Variants in M1AP observed in about 807,000 individuals in gnomAD.
The protein encoded by M1AP is meiosis 1 arrest protein.
Under a neutral mutation model 51.2 loss-of-function variants are expected in M1AP, and 39 were observed. The ratio of observed to expected loss-of-function variants is 0.76; its 90% confidence interval spans 0.59 to 1.00. M1AP has a LOEUF of 1.00. Ranked by LOEUF, M1AP falls within the 50% of genes least tolerant of loss-of-function variation. M1AP has a pLI of 0.00. For missense variants in M1AP, 545 were observed against 641.2 expected, an observed-to-expected ratio of 0.85 and a Z score of 1.62; for synonymous variants, 251 against 249.2, an observed-to-expected ratio of 1.01 and a Z score of -0.07.
chr2:74,617,281 C>G (rs1170365099), intron 2 of M1AP, among the ~76,000 whole-genome samples: 1 of 152,206 alleles, frequency 6.6e-6, no homozygotes, highest in African/African-American at 2.4e-5. Context: ...GTGATCAGGG[C>G]AGTCCAGCCT....
chr2:74,565,594 C>T (rs541160537), intron 7 of M1AP, among the ~76,000 whole-genome samples: 4 of 151,952 alleles, frequency 2.6e-5, no homozygotes, highest in East Asian at 1.9e-4. Context: ...TTTGAGAGGC[C>T]GAGGTGGGTG....
chr2:74,605,848 C>G (rs60244292), intron 4 of M1AP, among the ~76,000 whole-genome samples: 6,786 of 151,752 alleles, frequency 0.045, 516 homozygotes, highest in African/African-American at 0.15. Context: ...TTGCAGTGAG[C>G]CGAGATCGCG....
At chr2:74,568,177 G>C (rs184192238) in intron 7 of M1AP, among the ~76,000 whole-genome samples, 5 of 152,200 alleles carry the variant, frequency 3.3e-5, no homozygotes, top group African/African-American at 1.2e-4. Context: ...TGGTGAAGCC[G>C]GCCAACTGGC....
intron 2 of M1AP, among the ~76,000 whole-genome samples, chr2:74,629,125 T>C (rs552958224): frequency 7.2e-5 from 11 of 152,362 alleles, no homozygotes; most frequent in Admixed American, 7.2e-4. Flanking sequence ...AATTGGATGT[T>C]GAATTTTATC....
At chr2:74,603,939 G>A (rs901942956) in intron 4 of M1AP, among the ~76,000 whole-genome samples, 4 of 152,138 alleles carry the variant, frequency 2.6e-5, no homozygotes, top group African/African-American at 9.7e-5. Context: ...TTCCATGTAT[G>A]CATAACCATG....
intron 2 of M1AP, among the ~76,000 whole-genome samples, chr2:74,633,855 C>T (rs1201004996): frequency 6.6e-6 from 1 of 152,170 alleles, no homozygotes; most frequent in Non-Finnish European, 1.5e-5. Context: ...GGCTATTGCA[C>T]CACCTAAACT....
intron 3 of M1AP, 122 bp from the exon 4 acceptor site, chr2:74,607,345 T>A (rs1681074431): frequency 3.1e-6 from 3 of 956,546 alleles, no homozygotes; most frequent in Non-Finnish European, 4.7e-6. Context: ...TTATGTTTAG[T>A]GCAAAAAGGA....
At chr2:74,595,042 A>G (rs1289675634) in intron 4 of M1AP, among the ~76,000 whole-genome samples, 2 of 152,198 alleles carry the variant, frequency 1.3e-5, no homozygotes, top group Non-Finnish European at 2.9e-5. Context: ...CTTTACATAC[A>G]GGGAAAAATG....
intron 5 of M1AP, 32 bp from the exon 6 acceptor site, chr2:74,576,650 A>G: frequency 1.9e-6 from 3 of 1,609,580 alleles, no homozygotes; most frequent in Non-Finnish European, 2.6e-6. Context: ...TTTCAGACAC[A>G]CTACAATTGG....
intron 8 of M1AP, among the ~76,000 whole-genome samples, chr2:74,561,455 C>A (rs1419593795): frequency 6.6e-6 from 1 of 152,090 alleles, no homozygotes; most frequent in Non-Finnish European, 1.5e-5. Context: ...CCCCTAAGAA[C>A]ACACCAGCAC....
intron 2 of M1AP, among the ~76,000 whole-genome samples, chr2:74,630,566 A>C (rs1164370549): frequency 1.3e-5 from 2 of 152,130 alleles, no homozygotes; most frequent in East Asian, 3.8e-4. Flanking sequence ...CCCACTTATG[A>C]GTGAGAACAT....
At chr2:74,572,122 G>A (rs892586704) in intron 7 of M1AP, among the ~76,000 whole-genome samples, 1 of 152,202 alleles carries the variant, frequency 6.6e-6, no homozygotes, top group African/African-American at 2.4e-5. Flanking sequence ...AGATGAGTAA[G>A]CCGTTGTTAT....
intron 1 of M1AP, among the ~76,000 whole-genome samples, chr2:74,642,587 A>G (rs1683356600): frequency 6.6e-6 from 1 of 152,248 alleles, no homozygotes; most frequent in African/African-American, 2.4e-5. Flanking sequence ...ACTTCTATTC[A>G]GCATTATAGT....
chr2:74,613,329 G>A (rs566681720), intron 3 of M1AP, among the ~76,000 whole-genome samples: 17 of 152,182 alleles, frequency 1.1e-4, no homozygotes, highest in Middle Eastern at 6.8e-3. Context: ...CTTTTAGTAC[G>A]CTTTTCATAG....
At chr2:74,562,107 A>G (rs940805826) in intron 8 of M1AP, 110 bp downstream of exon 8, 3 of 1,484,754 alleles carry the variant, frequency 2.0e-6, no homozygotes, top group Non-Finnish European at 2.7e-6. Context: ...CTCTTACCAC[A>G]CTCCTTCAGC....
At chr2:74,566,827 T>G (rs532036455) in intron 7 of M1AP, among the ~76,000 whole-genome samples, 1 of 152,182 alleles carries the variant, frequency 6.6e-6, no homozygotes, top group Non-Finnish European at 1.5e-5. Flanking sequence ...GTACTTAGAC[T>G]CCTGCTGAAC....
chr2:74,625,607 T>C (rs1682336486), intron 2 of M1AP, among the ~76,000 whole-genome samples: 1 of 152,200 alleles, frequency 6.6e-6, no homozygotes, highest in African/African-American at 2.4e-5. Context: ...AGCACAATGT[T>C]AAGTTTTCTT....
At chr2:74,631,023 T>C (rs1682675732) in intron 2 of M1AP, among the ~76,000 whole-genome samples, 1 of 152,246 alleles carries the variant, frequency 6.6e-6, no homozygotes, top group African/African-American at 2.4e-5. Flanking sequence ...TCTCTTTGTT[T>C]GGTTTGCCTT....
intron 2 of M1AP, chr2:74,615,462 G>T: frequency 3.4e-6 from 1 of 297,692 alleles, no homozygotes; most frequent in East Asian, 7.4e-5. Flanking sequence ...TTTACTTTGG[G>T]GTGACCTGCA....
Sources: allele counts gnomAD v4.1 joint callset (sites outside exome capture counted in the v4.1 genomes callset), GRCh38; gene constraint gnomAD v4.1.1; transcripts MANE v1.5; gene names NCBI Gene and HGNC (gene_info 2026-07-23, HGNC 2026-07-21).